The following ACTR1B variants were observed in gnomAD, a reference collection of about 807,000 sequenced individuals.
ACTR1B encodes beta-centractin.
In ACTR1B, 34 loss-of-function variants were observed where a neutral mutation model predicts 49.4. That is an observed-to-expected ratio of 0.69 (90% CI 0.52 to 0.92). The LOEUF is 0.92. Ranked by LOEUF, ACTR1B falls within the 40% of genes least tolerant of loss-of-function variation. ACTR1B has a pLI of 0.00. For synonymous variants in ACTR1B, 207 were observed against 207.8 expected, an observed-to-expected ratio of 1.00 and a Z score of 0.03; for missense variants, 471 against 522.4, an observed-to-expected ratio of 0.90 and a Z score of 0.96.
At position 97,663,953 on chromosome 2, in the gene ACTR1B, G is replaced by T; in HGVS notation, c.-63C>A. 1 of 898,798 alleles carries T rather than the reference G, an allele frequency of 1.1e-6. No individual in the cohort carries two copies. The highest frequency in any genetic ancestry group is 1.5e-6 in the Non-Finnish European group (1 of 674,822). 55.7% of individuals were successfully genotyped at this position (898,798 alleles called of 1,614,324 possible). A position where few individuals can be genotyped will look rare whatever the true frequency, so the allele number is the denominator to read the frequency against. ...CAGGAGGCACCGGATGGGCGGGCGG[G>T]CGGGAGGACCGGGACGGCGGCGGCT... On this transcript the variant is annotated 5_prime_UTR_variant, in exon 1 of 11. Transcript: ENST00000289228.
In ACTR1B at chr2:97,663,912, C is replaced by A. The variant is rs375956878; in HGVS notation, c.-22G>T. The stretch of plus-strand genomic sequence containing the variant: ...CCATGGCCGGGCCGCGCCGGCCCTG[C>A]CCAGCAGGCGGGCTGCAGGAGGCAC... On this transcript the variant is annotated 5_prime_UTR_variant, in exon 1 of 11. Transcript: ENST00000289228. 5.9e-6 allele frequency: 8 copies of A among 1,352,156 alleles called. No individual in the cohort carries two copies. Among genetic ancestry groups the A allele is most frequent in the Non-Finnish European group, 7.7e-6 (8 of 1,037,722 alleles). 83.8% of individuals were successfully genotyped at this position (1,352,156 alleles called of 1,614,324 possible).
chr2:97,658,832 C>T lies in ACTR1B; in HGVS notation c.440+47G>A. Reference sequence around the variant, plus strand: ...ACCCTGGTCATGGCAAGCAGGACGGCACAGGGAGGACAGGACTCAGGGAGG... The same window carrying T: ...ACCCTGGTCATGGCAAGCAGGACGGTACAGGGAGGACAGGACTCAGGGAGG... On this transcript the variant is annotated intron_variant, in intron 5 of 10. Transcript: ENST00000289228. This position sits in a 1 kb window ranked among gnomAD's most constrained non-coding sequence, Gnocchi z 5.9. 1 of 1,613,072 alleles carries T rather than the reference C, an allele frequency of 6.2e-7. No individual in the cohort carries two copies. The highest frequency in any genetic ancestry group is 1.7e-4 in the Middle Eastern group (1 of 6,036).
chr2:97,662,055 A>G (rs1675024253), intron 1 of ACTR1B, 109 bp from the exon 2 acceptor site: 1 of 1,097,844 alleles, frequency 9.1e-7, no homozygotes, highest in South Asian at 1.3e-5. Flanking sequence ...GGAGGAAGCC[A>G]GGGACCCTGC....
Position 97,657,953 on chromosome 2 carries a change from C to T in ACTR1B, c.915G>A (p.Thr305=), listed in dbSNP as rs200672180. 2.0e-5 allele frequency: 33 copies of T among 1,613,850 alleles called. No individual in the cohort carries two copies. Among genetic ancestry groups the T allele is most frequent in the Middle Eastern group, 1.6e-4 (1 of 6,082 alleles). ...CTCAAGCCACAGTACCTTTGAAAAG[C>T]GTTGAGCCACCTGAGAGCACGATGT... ...FANIVLSGGS[T]LFKGFGDRLL... Residue 305 remains threonine, a synonymous_variant, in exon 8 of 11, where the codon ACG becomes ACA. Coordinates refer to ENST00000289228, the MANE Select transcript of ACTR1B (RefSeq NM_005735.4).
chr2:97,659,023 T>G lies in ACTR1B; in HGVS notation c.316-20A>C. On this transcript the variant is annotated intron_variant, in intron 4 of 10. Coordinates refer to ENST00000289228, the MANE Select transcript of ACTR1B (RefSeq NM_005735.4). This position sits in a 1 kb window ranked among gnomAD's most constrained non-coding sequence, Gnocchi z 4.0. ...AGGATGCTGCGAGGGACGGGACAGT[T>G]GTAGGCATCAGAGGAGGCAACTTGC... 6.2e-7 allele frequency: 1 copy of G among 1,613,866 alleles called. No homozygotes were observed. The highest frequency in any genetic ancestry group is 8.5e-7 in the Non-Finnish European group (1 of 1,179,968).
At position 97,658,533 on chromosome 2, in the gene ACTR1B, T is replaced by C; in HGVS notation, c.551A>G (p.Asp184Gly). The C allele has an allele frequency of 6.2e-7, 1 of 1,614,018 alleles. No individual in the cohort carries two copies. Residue 184 changes from aspartate to glycine, a missense_variant, in exon 6 of 11, where the codon GAC becomes GGC. Coordinates refer to ENST00000289228, the MANE Select transcript of ACTR1B (RefSeq NM_005735.4). This position sits in a 1 kb window ranked among gnomAD's most constrained non-coding sequence, Gnocchi z 5.9. The part of the protein sequence containing the change: ...FAMPHSIMRV[D>G]IAGRDVSRYL... ...GCGGGAGACGTCGCGGCCGGCAATG[T>C]CCACCCGCATGATGGAGTGAGGCAT...
intron 3 of ACTR1B, among the ~76,000 whole-genome samples, chr2:97,660,316 T>C (rs1007495658): frequency 1.3e-5 from 2 of 152,250 alleles, no homozygotes; most frequent in Non-Finnish European, 2.9e-5. Context: ...CTGACTCTTA[T>C]ATCACTTTTT....
Position 97,656,792 on chromosome 2 carries a change from A to G in ACTR1B, c.*66T>C. ...AAGCCTAGTATACGAGCCAAGACCA[A>G]AAAGGGTTAAAGGCTCTGTCTCCCC... On this transcript the variant is annotated 3_prime_UTR_variant, in exon 11 of 11. Transcript: ENST00000289228. 7.1e-7 allele frequency: 1 copy of G among 1,407,860 alleles called. No individual in the cohort carries two copies. Among genetic ancestry groups the G allele is most frequent in the Non-Finnish European group, 9.8e-7 (1 of 1,017,314 alleles). The allele number at this position is 1,407,860 out of a possible 1,614,324, so 87.2% of individuals were successfully genotyped here.
At chr2:97,661,758 C>A (rs1325852507) in intron 2 of ACTR1B, 124 bp downstream of exon 2, 6 of 924,660 alleles carry the variant, frequency 6.5e-6, no homozygotes, top group African/African-American at 3.3e-5. Flanking sequence ...GTCAACCTCA[C>A]AAATTTGGTG....
chr2:97,658,161 G>A lies in ACTR1B; in HGVS notation c.751-44C>T, dbSNP rs184588007. The A allele has an allele frequency of 6.8e-6, 11 of 1,613,190 alleles. No individual in the cohort carries two copies. The Admixed American group carries it at 1.3e-4, about 20-fold the overall frequency. ...AGGCAGACAGGCTTCCTGGAGAAGC[G>A]GGCTACCCCTTCCCCCAGGCTGGGC... is the stretch of plus-strand genomic sequence containing the variant. On this transcript the variant is annotated intron_variant, in intron 7 of 10. Transcript: ENST00000289228. This position sits in a 1 kb window ranked among gnomAD's most constrained non-coding sequence, Gnocchi z 5.9.
intron 1 of ACTR1B, among the ~76,000 whole-genome samples, chr2:97,662,515 G>A (rs1482970200): frequency 6.6e-6 from 1 of 151,514 alleles, no homozygotes; most frequent in Non-Finnish European, 1.5e-5. Context: ...TGGGATGACC[G>A]GCAGCTTCCC....
At chr2:97,663,385 T>C (rs1675079165) in intron 1 of ACTR1B, among the ~76,000 whole-genome samples, 1 of 152,194 alleles carries the variant, frequency 6.6e-6, no homozygotes, top group African/African-American at 2.4e-5. Flanking sequence ...GCATCCTGCA[T>C]TTGTTGCCTC....
In ACTR1B at chr2:97,659,460, C is replaced by T. The variant is rs559221175; in HGVS notation, c.207G>A (p.Leu69=). Residue 69 remains leucine (L), a synonymous_variant, in exon 4 of 11, where the codon CTG becomes CTA. Coordinates refer to ENST00000289228, the MANE Select transcript of ACTR1B (RefSeq NM_005735.4). The surrounding 1 kb of genome is among the most constrained non-coding windows in gnomAD (Gnocchi z 4.0). ...GPKAEEHRGL[L]TIRYPMEHGV... ...CGTGCTCCATGGGGTAGCGGATGGTCAGCAGCCCCCGGTGCTCCTGGTGGG... is the reference window on the plus strand; with the variant it reads ...CGTGCTCCATGGGGTAGCGGATGGTTAGCAGCCCCCGGTGCTCCTGGTGGG... The T allele has an allele frequency of 5.5e-5, 89 of 1,613,782 alleles. No individual in the cohort carries two copies. The East Asian group carries it at 1.9e-3, about 34-fold the overall frequency.
At chr2:97,662,699 A>G (rs1032746039) in intron 1 of ACTR1B, among the ~76,000 whole-genome samples, 1 of 152,240 alleles carries the variant, frequency 6.6e-6, no homozygotes, top group African/African-American at 2.4e-5. Context: ...CTGAGTCTGC[A>G]GCAGAAACAA....
At chr2:97,657,819 AAAAAATG>A in intron 8 of ACTR1B, 117 bp downstream of exon 8, 1 of 1,257,088 alleles carries the variant, frequency 8.0e-7, no homozygotes, top group Non-Finnish European at 1.1e-6. Flanking sequence ...GGTCTGTTAA[AAAAAATG>A]TTCATTGAGC....
intron 2 of ACTR1B, 37 bp downstream of exon 2, chr2:97,661,845 A>G (rs1372996944): frequency 6.4e-7 from 1 of 1,560,556 alleles, no homozygotes; most frequent in South Asian, 1.2e-5. Context: ...CAGAAGGTAA[A>G]CAAAAGGACT....
At position 97,663,950 on chromosome 2, in the gene ACTR1B, C is replaced by A; in HGVS notation, c.-60G>T. 1 of 195,500 alleles carries A rather than the reference C, an allele frequency of 5.1e-6. No individual in the cohort carries two copies. Among genetic ancestry groups the A allele is most frequent in the Non-Finnish European group, 1.1e-5 (1 of 93,240 alleles). The allele number at this position is 195,500 out of a possible 1,614,324, so 12.1% of individuals were successfully genotyped here. A position where few individuals can be genotyped will look rare whatever the true frequency, so the allele number is the denominator to read the frequency against. On this transcript the variant is annotated 5_prime_UTR_variant, in exon 1 of 11. Coordinates refer to ENST00000289228, the MANE Select transcript of ACTR1B (RefSeq NM_005735.4). ...CTGCAGGAGGCACCGGATGGGCGGG[C>A]GGGCGGGAGGACCGGGACGGCGGCG... is the stretch of plus-strand genomic sequence containing the variant.
At chr2:97,657,826 G>A (rs1674883954) in intron 8 of ACTR1B, 117 bp downstream of exon 8, 1 of 1,280,564 alleles carries the variant, frequency 7.8e-7, no homozygotes, top group African/African-American at 1.5e-5. Context: ...TAAAAAAAAT[G>A]TTCATTGAGC....
chr2:97,656,534 A>G lies in ACTR1B; in HGVS notation c.*324T>C. 3.4e-6 allele frequency: 1 copy of G among 293,694 alleles called. No individual in the cohort carries two copies. The highest frequency in any genetic ancestry group is 4.1e-5 in the South Asian group (1 of 24,136). The allele number at this position is 293,694 out of a possible 1,614,324, so 18.2% of individuals were successfully genotyped here. Reference sequence around the variant, plus strand: ...AGGCATCCAGGCATTCTGGCCCTGGAGCTCAGGGAGGCAGCCCTGAGAGTC... The same window carrying G: ...AGGCATCCAGGCATTCTGGCCCTGGGGCTCAGGGAGGCAGCCCTGAGAGTC... On this transcript the variant is annotated 3_prime_UTR_variant, in exon 11 of 11. Transcript: ENST00000289228.
Sources: gnomAD v4.1 joint callset for allele counts (sites outside exome capture counted in the v4.1 genomes callset) on GRCh38, gnomAD v4.1.1 for gene constraint, Gnocchi (gnomAD v3.1) non-coding constraint, MANE v1.5 for transcripts, NCBI Gene and HGNC (gene_info 2026-07-23, HGNC 2026-07-21) for gene names.